Variants in TBC1D32 observed in about 807,000 individuals in gnomAD.
TBC1D32 encodes protein broad-minded.
TBC1D32 carries 151 observed loss-of-function variants against 170.3 expected under a neutral mutation model. The observed-to-expected ratio is 0.89, with a 90% CI of 0.78 to 1.01. TBC1D32 has a LOEUF of 1.01. TBC1D32 is among the 50% of genes least tolerant of loss of function. TBC1D32 has a pLI of 0.00. For synonymous variants in TBC1D32, 498 were observed against 488.0 expected (o/e 1.02, Z -0.27); for missense variants, 1,464 against 1,457.1 (o/e 1.00, Z -0.08).
rs1191358364 is a variant in TBC1D32, at chr6:121,192,081, T to TATATATATATATATATATATATCTCC, written c.2570+12993_2570+12994insGGAGATATATATATATATATATATAT. ...AAACTACCCTTTATATATATATATA[T>TATATATATATATATATATATATCTCC]ATCCTATTAGTTCTATCCTTCTGGG... On this transcript the variant is annotated intron_variant, in intron 22 of 31. Coordinates refer to ENST00000398212, the MANE Select transcript of TBC1D32 (RefSeq NM_152730.6). Among the ~76,000 whole-genome samples the TATATATATATATATATATATATCTCC allele has an allele frequency of 4.3e-3, 575 of 132,340 alleles. 26 individuals carry two copies. Among genetic ancestry groups the TATATATATATATATATATATATCTCC allele is most frequent in the Non-Finnish European group, 7.9e-3 (483 of 60,844 alleles). The allele number at this position is 132,340 out of a possible 152,430, so 86.8% of individuals were successfully genotyped here.
chr6:121,089,001 A>T (rs2128173651), intron 31 of TBC1D32, among the ~76,000 whole-genome samples: 1 of 152,260 alleles, frequency 6.6e-6, no homozygotes, highest in South Asian at 2.1e-4. Context: ...AGAGAGATGA[A>T]ACTGTAAATC....
chr6:121,157,700 T>C (rs1424572178), intron 24 of TBC1D32, among the ~76,000 whole-genome samples: 4 of 152,132 alleles, frequency 2.6e-5, no homozygotes, highest in Non-Finnish European at 5.9e-5. Context: ...GCTGGTCTGG[T>C]AGTAATGAAT....
Position 121,317,784 on chromosome 6 carries a change from C to A in TBC1D32, c.318-112G>T, listed in dbSNP as rs188727806. On this transcript the variant is annotated intron_variant, in intron 2 of 31. Coordinates refer to ENST00000398212, the MANE Select transcript of TBC1D32 (RefSeq NM_152730.6). ...AAAAAGGGAAGTCCCTTTAAGAACA[C>A]AATGCTAAGGAGAAAAATCGAACTC... 19,856 of 720,110 alleles carry A rather than the reference C, an allele frequency of 0.028. 651 individuals carry two copies. The highest frequency in any genetic ancestry group is 0.12 in the African/African-American group (6,513 of 54,298). The allele number at this position is 720,110 out of a possible 1,614,324, so 44.6% of individuals were successfully genotyped here.
chr6:121,118,436 T>C (rs1267702037), intron 26 of TBC1D32, among the ~76,000 whole-genome samples: 2 of 152,172 alleles, frequency 1.3e-5, no homozygotes, highest in African/African-American at 4.8e-5. Context: ...TGCAATAGTT[T>C]CAAAATAAAA....
intron 21 of TBC1D32, among the ~76,000 whole-genome samples, chr6:121,222,778 C>T (rs79594074): frequency 2.0e-5 from 3 of 152,178 alleles, no homozygotes; most frequent in African/African-American, 7.2e-5. Flanking sequence ...AATATTAGTA[C>T]AACATAGTTC....
chr6:121,257,136 T>A (rs1799147104), intron 15 of TBC1D32, among the ~76,000 whole-genome samples: 1 of 152,212 alleles, frequency 6.6e-6, no homozygotes, highest in South Asian at 2.1e-4. Flanking sequence ...GGATAACTAC[T>A]TTACCATGGT....
chr6:121,214,060 C>T (rs1414092649), intron 21 of TBC1D32, among the ~76,000 whole-genome samples: 1 of 152,250 alleles, frequency 6.6e-6, no homozygotes, highest in African/African-American at 2.4e-5. Flanking sequence ...GATAAACGTG[C>T]TGAGATAACT....
intron 1 of TBC1D32, among the ~76,000 whole-genome samples, chr6:121,326,180 A>G (rs888206553): frequency 1.3e-5 from 2 of 152,174 alleles, no homozygotes; most frequent in African/African-American, 4.8e-5. Context: ...CATTAACAAA[A>G]TGTAGTCAAT....
chr6:121,299,462 G>T lies in TBC1D32; in HGVS notation c.1124C>A (p.Thr375Lys), dbSNP rs9387944. 1 allele frequency: 1,506,364 copies of T among 1,509,622 alleles called. 751,631 individuals are homozygous for T. The highest frequency in any genetic ancestry group is 1 in the East Asian group (42,558 of 42,558). The allele number at this position is 1,509,622 out of a possible 1,614,324, so 93.5% of individuals were successfully genotyped here. A position where few individuals can be genotyped will look rare whatever the true frequency, so the allele number is the denominator to read the frequency against. The change falls in exon 10 of 32, where the codon ACG (threonine) becomes AAG (lysine). Residue 375 changes from threonine to lysine, a missense_variant. Transcript: ENST00000398212. Reference sequence around the variant, plus strand: ...CAGACTTACCAGAGACTTATATTTCGTTTCAAGAAGTCTTAATACTGTAGT... The same window carrying T: ...CAGACTTACCAGAGACTTATATTTCTTTTCAAGAAGTCTTAATACTGTAGT... ...SRTTVLRLLETKYKSLVTTAI... is the reference protein window; with the variant it reads ...SRTTVLRLLEKKYKSLVTTAI...
intron 26 of TBC1D32, among the ~76,000 whole-genome samples, chr6:121,123,668 G>A (rs1780520849): frequency 6.6e-6 from 1 of 151,922 alleles, no homozygotes; most frequent in South Asian, 2.1e-4. Flanking sequence ...ATATAGTTAG[G>A]TCCTGTTTTG....
chr6:121,241,006 C>G (rs1334192994), intron 19 of TBC1D32, among the ~76,000 whole-genome samples: 4 of 150,686 alleles, frequency 2.7e-5, no homozygotes, highest in Admixed American at 2.0e-4. Flanking sequence ...AGTGGTAAGA[C>G]AAATGCTTTC....
chr6:121,126,316 C>G (rs191962769), intron 26 of TBC1D32, 62 bp downstream of exon 26: 1 of 1,233,038 alleles, frequency 8.1e-7, no homozygotes, highest in Non-Finnish European at 1.2e-6. Flanking sequence ...CATTACACAT[C>G]TCCATTAATT....
rs557282977 is a variant in TBC1D32 at position 121,193,718 on chromosome 6, A to C, written c.2570+11357T>G. On this transcript the variant is annotated intron_variant, in intron 22 of 31. Transcript: ENST00000398212. ...TTAACTAATTAATCACAGTGTTTTC[A>C]GAAGTGAAATTGTCGGGAAGCCTAA... Among the ~76,000 whole-genome samples the C allele has an allele frequency of 1.8e-3, 276 of 152,360 alleles. 1 individual carries two copies. The highest frequency in any genetic ancestry group is 3.1e-3 in the Non-Finnish European group (209 of 68,026).
At chr6:121,135,759 A>C (rs547452969) in intron 24 of TBC1D32, among the ~76,000 whole-genome samples, 1 of 152,298 alleles carries the variant, frequency 6.6e-6, no homozygotes. Context: ...TAGAGTTACA[A>C]GATGTCCAAG....
At chr6:121,144,928 G>T (rs924101222) in intron 24 of TBC1D32, among the ~76,000 whole-genome samples, 8 of 152,178 alleles carry the variant, frequency 5.3e-5, no homozygotes, top group African/African-American at 1.9e-4. Context: ...TTTTCTGGAA[G>T]TCAAATGAAG....
intron 24 of TBC1D32, among the ~76,000 whole-genome samples, chr6:121,150,823 T>C (rs1784116346): frequency 6.6e-6 from 1 of 152,228 alleles, no homozygotes; most frequent in Non-Finnish European, 1.5e-5. Flanking sequence ...GTCGGTAGTT[T>C]GTATTTCTGT....
intron 22 of TBC1D32, among the ~76,000 whole-genome samples, chr6:121,192,110 C>T (rs1336225851): frequency 7.0e-6 from 1 of 143,808 alleles, no homozygotes; most frequent in East Asian, 2.1e-4. Context: ...TTCTGGGGAA[C>T]CCTGACTAAT....
chr6:121,111,245 T>C (rs1779174059), intron 29 of TBC1D32, among the ~76,000 whole-genome samples: 1 of 152,164 alleles, frequency 6.6e-6, no homozygotes, highest in Admixed American at 6.5e-5. Flanking sequence ...GCTCAAAGTA[T>C]AAATGCAACT....
rs757047534 is a variant in TBC1D32, at chr6:121,304,729, AT to A, written c.769+25del. On this transcript the variant is annotated intron_variant, in intron 6 of 31. Transcript: ENST00000398212. ...TAAGTACATGCAAATGACAAAAAAC[AT>A]TTTTAAATGTTTTCACAAACATACC... 4.8e-5 allele frequency: 75 copies of A among 1,569,490 alleles called. No individual in the cohort carries two copies. In the South Asian group the frequency reaches 8.4e-4, roughly 18 times the overall value.
Sources: allele counts gnomAD v4.1 joint callset (sites outside exome capture counted in the v4.1 genomes callset), GRCh38; gene constraint gnomAD v4.1.1; transcripts MANE v1.5; gene names NCBI Gene and HGNC (gene_info 2026-07-23, HGNC 2026-07-21).